Variants in ZBTB14 observed in about 807,000 individuals in gnomAD.
ZBTB14 encodes zinc finger and BTB domain-containing protein 14.
Under a neutral mutation model 29.5 loss-of-function variants are expected in ZBTB14, and 8 were observed. That is an observed-to-expected ratio of 0.27 (90% CI 0.16 to 0.49). The LOEUF is 0.49. Ranked by LOEUF, ZBTB14 falls within the 20% of genes least tolerant of loss-of-function variation. The probability of loss-of-function intolerance (pLI) is 0.99; values close to 1 mark genes in which losing one functional copy is unlikely to be tolerated. For missense variants in ZBTB14, 333 were observed against 563.8 expected, an observed-to-expected ratio of 0.59 and a Z score of 4.15; for synonymous variants, 226 against 207.2, an observed-to-expected ratio of 1.09 and a Z score of -0.78.
At chr18:5,293,473 T>C (rs923797500) in intron 2 of ZBTB14, 146 bp from the exon 3 acceptor site, 1 of 553,234 alleles carries the variant, frequency 1.8e-6, no homozygotes, top group African/African-American at 1.9e-5. Flanking sequence ...AGGTAGCTGG[T>C]ACATCAAGTG....
At chr18:5,293,094 C>CATTTAAAAA in intron 3 of ZBTB14, 150 bp downstream of exon 3, 1 of 909,102 alleles carries the variant, frequency 1.1e-6, no homozygotes, top group Non-Finnish European at 1.6e-6. Flanking sequence ...CTCTATGTTT[C>CATTTAAAAA]CTTTTTAAAA....
Position 5,293,306 on chromosome 18 carries a change from T to C in ZBTB14, c.-60A>G. The C allele has an allele frequency of 7.5e-6, 12 of 1,598,564 alleles. No homozygotes were observed. The highest frequency in any genetic ancestry group is 1.0e-5 in the Non-Finnish European group (12 of 1,168,820). ...GCCAAAATCTTCAGATCAGAGTAAC[T>C]CTGATCAGGAGCACGCCAGACCTAC... On this transcript the variant is annotated 5_prime_UTR_variant, in exon 3 of 4. Transcript: ENST00000651870.
chr18:5,296,287 C>G (rs1261173456), upstream of ZBTB14: 1 of 150,298 alleles, frequency 6.7e-6, no homozygotes, highest in Non-Finnish European at 1.5e-5. Context: ...AAGGAGTGGG[C>G]GGGGCAAGGG....
intron 1 of ZBTB14, among the ~76,000 whole-genome samples, chr18:5,294,396 G>A (rs1487277316): frequency 1.3e-5 from 2 of 152,302 alleles, no homozygotes; most frequent in East Asian, 3.9e-4. Flanking sequence ...TAGGGCTTGT[G>A]GGATAAAAGT....
chr18:5,293,870 GTTTGTT>G (rs1394452070), intron 2 of ZBTB14, 96 bp downstream of exon 2: 1 of 152,172 alleles, frequency 6.6e-6, no homozygotes, highest in African/African-American at 2.4e-5. Flanking sequence ...TAGCATACAC[GTTTGTT>G]TTTAAGATTG....
chr18:5,293,283 C>T lies in ZBTB14; in HGVS notation c.-37G>A, dbSNP rs751587498. 1 of 1,611,854 alleles carries T rather than the reference C, an allele frequency of 6.2e-7. No homozygotes were observed. The highest frequency in any genetic ancestry group is 1.3e-5 in the African/African-American group (1 of 74,806). ...GCTATTATCTTAATGCCTTGAACGCCAAAATCTTCAGATCAGAGTAACTCT... is the reference window on the plus strand; with the variant it reads ...GCTATTATCTTAATGCCTTGAACGCTAAAATCTTCAGATCAGAGTAACTCT... On this transcript the variant is annotated 5_prime_UTR_variant, in exon 3 of 4. Coordinates refer to ENST00000651870, the MANE Select transcript of ZBTB14 (RefSeq NM_001243702.2).
chr18:5,293,805 G>A (rs945464694), intron 2 of ZBTB14, among the ~76,000 whole-genome samples, 167 bp downstream of exon 2: 4 of 152,200 alleles, frequency 2.6e-5, no homozygotes, highest in African/African-American at 7.2e-5. Flanking sequence ...CAGGTAACAT[G>A]GGAGGAGAGG....
Position 5,290,756 on chromosome 18 carries a change from T to A in ZBTB14, c.*102A>T. The A allele has an allele frequency of 6.6e-7, 1 of 1,511,796 alleles. No homozygotes were observed. Among genetic ancestry groups the A allele is most frequent in the East Asian group, 2.3e-5 (1 of 44,258 alleles). 93.6% of individuals were successfully genotyped at this position (1,511,796 alleles called of 1,614,324 possible). ...GCCTTAAGTCCAGTGAGTACAATGT[T>A]CCATACGTTTCCACAAAAATATTGT... On this transcript the variant is annotated 3_prime_UTR_variant, in exon 4 of 4. Coordinates refer to ENST00000651870, the MANE Select transcript of ZBTB14 (RefSeq NM_001243702.2).
upstream of ZBTB14, chr18:5,296,001 C>T (rs1267698053): frequency 6.6e-6 from 1 of 151,764 alleles, no homozygotes; most frequent in Non-Finnish European, 1.5e-5. Context: ...AGCAGCCCTC[C>T]TCCTGCACGA....
chr18:5,295,159 AGCGG>A lies in ZBTB14; in HGVS notation c.-112+489_-112+492del, dbSNP rs1344973631. 2.1e-5 allele frequency among the ~76,000 whole-genome samples: 3 copies of A among 142,298 alleles called. No homozygotes were observed. The East Asian group carries it at 6.4e-4, about 30-fold the overall frequency. 93.4% of individuals were successfully genotyped at this position (142,298 alleles called of 152,430 possible). On this transcript the variant is annotated intron_variant, in intron 1 of 3. Transcript: ENST00000651870. ...CGGCCCCGGCGGCGCGACGAGCGGG[AGCGG>A]GCGTGCGGCCGGCTCCGCAGCCCCG...
At chr18:5,293,365 T>C (rs2071862459) in intron 2 of ZBTB14, 38 bp from the exon 3 acceptor site, 3 of 1,016,780 alleles carry the variant, frequency 3.0e-6, no homozygotes, top group African/African-American at 3.2e-5. Context: ...AGGTAGGATC[T>C]TCCTGTATCC....
At chr18:5,292,964 T>G (rs1036586938) in intron 3 of ZBTB14, among the ~76,000 whole-genome samples, 1 of 152,216 alleles carries the variant, frequency 6.6e-6, no homozygotes, top group Non-Finnish European at 1.5e-5. Context: ...CAGATAAAAG[T>G]GCCATCAACA....
chr18:5,290,048 C>T lies in ZBTB14; in HGVS notation c.*810G>A, dbSNP rs956953733. On this transcript the variant is annotated 3_prime_UTR_variant, in exon 4 of 4. Coordinates refer to ENST00000651870, the MANE Select transcript of ZBTB14 (RefSeq NM_001243702.2). ...TGGGATTGTTACACATGTAAAAAAC[C>T]TTATCTCTGAGAGCCTTTTCTATTC... 5.3e-5 allele frequency: 8 copies of T among 152,180 alleles called. No individual in the cohort carries two copies. Among genetic ancestry groups the T allele is most frequent in the African/African-American group, 1.9e-4 (8 of 41,512 alleles). The allele number at this position is 152,180 out of a possible 1,614,324, so 9.4% of individuals were successfully genotyped here. A position where few individuals can be genotyped will look rare whatever the true frequency, so the allele number is the denominator to read the frequency against.
intron 1 of ZBTB14, among the ~76,000 whole-genome samples, chr18:5,294,613 A>AG (rs2071899133): frequency 6.6e-6 from 1 of 151,334 alleles, no homozygotes; most frequent in Non-Finnish European, 1.5e-5. Context: ...CCAATTGCTC[A>AG]GTTCAGGTGA....
chr18:5,292,799 C>G (rs1478169379), intron 3 of ZBTB14, among the ~76,000 whole-genome samples: 2 of 152,332 alleles, frequency 1.3e-5, no homozygotes, highest in Middle Eastern at 6.8e-3. Flanking sequence ...AGGAACATTA[C>G]TGCCAAAATA....
Position 5,292,116 on chromosome 18 carries a change from A to G in ZBTB14, c.92T>C (p.Leu31Pro). ...LFLKTLNEQR[L>P]EGEFCDIAIV... ...AGCAATATCACAAAATTCTCCTTCC[A>G]GGCGTTGTTCATTTAGTGTTTTCAG... Residue 31 changes from leucine (L) to proline (P), a missense_variant, in exon 4 of 4, where the codon CTG becomes CCG. Coordinates refer to ENST00000651870, the MANE Select transcript of ZBTB14 (RefSeq NM_001243702.2). The G allele has an allele frequency of 6.2e-7, 1 of 1,604,744 alleles. No individual in the cohort carries two copies. Among genetic ancestry groups the G allele is most frequent in the Non-Finnish European group, 8.5e-7 (1 of 1,179,900 alleles).
chr18:5,291,138 T>C lies in ZBTB14; in HGVS notation c.1070A>G (p.Asn357Ser), dbSNP rs768514680. 2 of 1,614,274 alleles carry C rather than the reference T, an allele frequency of 1.2e-6. No individual in the cohort carries two copies. The highest frequency in any genetic ancestry group is 1.1e-5 in the South Asian group (1 of 91,090). The change falls in exon 4 of 4, where the codon AAT (asparagine) becomes AGT (serine). Residue 357 changes from asparagine (N) to serine (S), a missense_variant. This residue lies in a region of ZBTB14 where 140 missense variants were observed against 274.6 expected (regional missense o/e 0.51). Coordinates refer to ENST00000651870, the MANE Select transcript of ZBTB14 (RefSeq NM_001243702.2). The surrounding 1 kb of genome is among the most constrained non-coding windows in gnomAD (Gnocchi z 5.8). ...DLKKHERVHS[N>S]ERPFACHMCD... ...CATGTGGCACGCAAACGGTCTTTCA[T>C]TACTGTGAACTCTCTCATGCTTCTT... is the stretch of plus-strand genomic sequence containing the variant.
chr18:5,291,017 T>C lies in ZBTB14; in HGVS notation c.1191A>G (p.Ala397=). The C allele has an allele frequency of 6.2e-7, 1 of 1,614,280 alleles. No individual in the cohort carries two copies. Among genetic ancestry groups the C allele is most frequent in the Non-Finnish European group, 8.5e-7 (1 of 1,180,052 alleles). Residue 397 remains alanine, a synonymous_variant, in exon 4 of 4, where the codon GCA becomes GCG. Coordinates refer to ENST00000651870, the MANE Select transcript of ZBTB14 (RefSeq NM_001243702.2). This position sits in a 1 kb window ranked among gnomAD's most constrained non-coding sequence, Gnocchi z 5.8. ...KPFVCGSCTK[A]FAKASDLKRH... is the part of the protein sequence containing the mutation. ...TTTTCAGATCAGATGCCTTGGCAAA[T>C]GCCTTGGTGCAGGAGCCACACACAA...
In ZBTB14 at chr18:5,291,727, C is replaced by T; in HGVS notation, c.481G>A (p.Asp161Asn). The T allele has an allele frequency of 1.2e-6, 2 of 1,614,126 alleles. No homozygotes were observed. Among genetic ancestry groups the T allele is most frequent in the East Asian group, 2.2e-5 (1 of 44,886 alleles). ...PIGDAADTQD[D>N]DVEEIGDQDD... ...TGATCCCCGATTTCCTCTACATCAT[C>T]ATCCTGGGTGTCAGCAGCATCTCCA... The change falls in exon 4 of 4, where the codon GAT becomes AAT. Residue 161 changes from aspartate (D) to asparagine (N), a missense_variant. Physicochemically the swap from Asp to Asn is conservative, Grantham distance 23. Transcript: ENST00000651870. The surrounding 1 kb of genome is among the most constrained non-coding windows in gnomAD (Gnocchi z 5.8).
Sources: gnomAD v4.1 joint callset for allele counts (sites outside exome capture counted in the v4.1 genomes callset) on GRCh38, gnomAD v4.1.1 for gene constraint, gnomAD v4.1.1 regional missense constraint, Gnocchi (gnomAD v3.1) non-coding constraint, MANE v1.5 for transcripts, NCBI Gene and HGNC (gene_info 2026-07-23, HGNC 2026-07-21) for gene names.